Variants in WARS1 observed in about 807,000 individuals in gnomAD.
The protein encoded by WARS1 is tryptophanyl-tRNA synthetase 1.
In WARS1, 17 loss-of-function variants were observed where a neutral mutation model predicts 47.8. That is an observed-to-expected ratio of 0.36 (90% CI 0.24 to 0.53). The LOEUF (loss-of-function observed/expected upper bound fraction) is 0.53, where lower values mean the gene tolerates loss of function less well. Among genes scored for constraint, WARS1 ranks in the 20% least tolerant of loss-of-function variants. The pLI is 0.91. For missense variants in WARS1, 434 were observed against 608.0 expected (o/e 0.71, Z 3.01); for synonymous variants, 208 against 228.1 (o/e 0.91, Z 0.79).
chr14:100,373,283 G>T lies in WARS1; in HGVS notation c.-74+2000C>A, dbSNP rs1896451315. The stretch of plus-strand genomic sequence containing the variant: ...GATTCCCCCAGCTGGACTTTAGATG[G>T]CCTCTTGTTTAACGTCCTGGTACTG... On this transcript the variant is annotated intron_variant, in intron 1 of 10. Coordinates refer to ENST00000392882, the MANE Select transcript of WARS1 (RefSeq NM_004184.4). This position sits in a 1 kb window ranked among gnomAD's most constrained non-coding sequence, Gnocchi z 4.4. Among the ~76,000 whole-genome samples the T allele has an allele frequency of 6.6e-6, 1 of 152,108 alleles. No homozygotes were observed. Among genetic ancestry groups the T allele is most frequent in the South Asian group, 2.1e-4 (1 of 4,820 alleles).
intron 4 of WARS1, among the ~76,000 whole-genome samples, chr14:100,356,399 G>GTGT (rs961197719): frequency 8.6e-5 from 6 of 69,880 alleles, no homozygotes; most frequent in African/African-American, 3.5e-4. Context: ...GTGTGTGTGT[G>GTGT]GGGGGGGGTG....
At chr14:100,351,941 C>T (rs1210899191) in intron 6 of WARS1, among the ~76,000 whole-genome samples, 12 of 150,322 alleles carry the variant, frequency 8.0e-5, no homozygotes, top group African/African-American at 2.0e-4. Context: ...TGCAGTGAGC[C>T]GAGATTGTGC....
chr14:100,340,921 T>C (rs1394614987), intron 9 of WARS1, among the ~76,000 whole-genome samples: 1 of 150,130 alleles, frequency 6.7e-6, no homozygotes, highest in Non-Finnish European at 1.5e-5. Context: ...TCTTTTCTTT[T>C]TTTTTTTTTT....
At chr14:100,359,581 T>G (rs940545561) in intron 4 of WARS1, among the ~76,000 whole-genome samples, 2 of 152,204 alleles carry the variant, frequency 1.3e-5, no homozygotes, top group African/African-American at 4.8e-5. Flanking sequence ...TTGTGGGAGT[T>G]ATTGATATCT....
At position 100,360,579 on chromosome 14, in the gene WARS1, G is replaced by A. The variant is rs764391035; in HGVS notation, c.397C>T (p.Arg133Cys). The A allele has an allele frequency of 8.1e-6, 13 of 1,613,604 alleles. No homozygotes were observed. Among genetic ancestry groups the A allele is most frequent in the East Asian group, 2.2e-5 (1 of 44,874 alleles). The change falls in exon 4 of 11, where the codon CGC becomes TGC. Residue 133 changes from arginine to cysteine, a missense_variant. Coordinates refer to ENST00000392882, the MANE Select transcript of WARS1 (RefSeq NM_004184.4). The stretch of plus-strand genomic sequence containing the variant: ...CTGTGTGAGAAGAAGATGCCTCTGC[G>A]CAGGAAGTGGTGTGGTCTTTGGCCG... ...ATGQRPHHFL[R>C]RGIFFSHRDM...
intron 7 of WARS1, among the ~76,000 whole-genome samples, chr14:100,345,960 A>G (rs116819650): frequency 1.2e-3 from 180 of 152,324 alleles, no homozygotes; most frequent in African/African-American, 4.2e-3. Context: ...GGCTCCAAGC[A>G]GGGTGAACGC....
intron 4 of WARS1, among the ~76,000 whole-genome samples, chr14:100,360,028 G>A (rs889526662): frequency 6.6e-6 from 1 of 152,200 alleles, no homozygotes; most frequent in Non-Finnish European, 1.5e-5. Flanking sequence ...TAGGTTGGGA[G>A]AGGCAGAAAC....
intron 2 of WARS1, among the ~76,000 whole-genome samples, chr14:100,366,262 G>C (rs1895988280): frequency 6.6e-6 from 1 of 152,134 alleles, no homozygotes; most frequent in African/African-American, 2.4e-5. Flanking sequence ...CAGTGGACTG[G>C]GGGAGCTTTC....
chr14:100,364,817 T>C (rs997273936), intron 2 of WARS1, among the ~76,000 whole-genome samples: 6 of 152,244 alleles, frequency 3.9e-5, no homozygotes, highest in Admixed American at 2.6e-4. Context: ...CCCAAAATGA[T>C]GGGCTTACAT....
chr14:100,352,255 G>A (rs1895044067), intron 6 of WARS1, among the ~76,000 whole-genome samples: 1 of 151,208 alleles, frequency 6.6e-6, no homozygotes, highest in South Asian at 2.1e-4. Flanking sequence ...GCAACTACAG[G>A]AGCACGCCAC....
At chr14:100,349,078 G>C (rs1894810056) in intron 6 of WARS1, among the ~76,000 whole-genome samples, 1 of 152,166 alleles carries the variant, frequency 6.6e-6, no homozygotes, top group African/African-American at 2.4e-5. Flanking sequence ...ACATGTGGCT[G>C]AACCACCAGT....
intron 9 of WARS1, among the ~76,000 whole-genome samples, chr14:100,339,122 CAT>C (rs57485984): frequency 0.66 from 91,985 of 138,574 alleles, 29,925 homozygotes; most frequent in South Asian, 0.8. Flanking sequence ...CACACACACA[CAT>C]ACACACACAC....
intron 6 of WARS1, among the ~76,000 whole-genome samples, chr14:100,349,863 A>T (rs1894857717): frequency 1.3e-5 from 2 of 152,202 alleles, no homozygotes; most frequent in Non-Finnish European, 2.9e-5. Context: ...GCTCCTAAAC[A>T]CCAGGAAGGA....
chr14:100,340,725 G>A (rs975855747), intron 9 of WARS1, among the ~76,000 whole-genome samples: 3 of 151,948 alleles, frequency 2.0e-5, no homozygotes, highest in South Asian at 2.1e-4. Flanking sequence ...AGCTGAAGTC[G>A]GGCACGGGGA....
chr14:100,367,786 T>C (rs1033808336), intron 2 of WARS1, among the ~76,000 whole-genome samples: 1 of 152,038 alleles, frequency 6.6e-6, no homozygotes, highest in Non-Finnish European at 1.5e-5. Context: ...GCTTCAGCAT[T>C]TCCAGGGGAA....
At chr14:100,344,755 A>C (rs1566842292) in intron 7 of WARS1, among the ~76,000 whole-genome samples, 1 of 147,684 alleles carries the variant, frequency 6.8e-6, no homozygotes, top group Non-Finnish European at 1.5e-5. Flanking sequence ...GGATGTGAGG[A>C]GCGCCTCTAC....
intron 10 of WARS1, 23 bp from the exon 11 acceptor site, chr14:100,335,059 G>T: frequency 6.2e-7 from 1 of 1,608,934 alleles, no homozygotes; most frequent in Non-Finnish European, 8.5e-7. Flanking sequence ...AGACAGCCAC[G>T]TGAGAGATGG....
intron 1 of WARS1, among the ~76,000 whole-genome samples, chr14:100,371,720 G>C (rs908528459): frequency 6.6e-6 from 1 of 152,138 alleles, no homozygotes; most frequent in African/African-American, 2.4e-5. Flanking sequence ...GGGCAACAGA[G>C]AGAGACTCTG....
At position 100,342,459 on chromosome 14, in the gene WARS1, C is replaced by T. The variant is rs1482630444; in HGVS notation, c.1052G>A (p.Ser351Asn). ...PALQGAQTKM[S>N]ASDPNSSIFL... is the part of the protein sequence containing the mutation. ...GATGGAGGAGTTGGGGTCGCTGGCA[C>T]TCATTTTGGTCTGGGCGCCCTGCAG... Residue 351 changes from serine (S) to asparagine (N), a missense_variant, in exon 9 of 11, where the codon AGT becomes AAT. By Grantham distance (46) the Ser-to-Asn change is conservative. Around this residue, in one of 2 missense-constraint regions of WARS1, gnomAD observed 347 missense variants for 523.8 expected, o/e 0.66. Transcript: ENST00000392882. 5 of 1,613,990 alleles carry T rather than the reference C, an allele frequency of 3.1e-6. No individual in the cohort carries two copies. Among genetic ancestry groups the T allele is most frequent in the Non-Finnish European group, 4.2e-6 (5 of 1,180,018 alleles).
Sources: gnomAD v4.1 joint callset for allele counts (sites outside exome capture counted in the v4.1 genomes callset) on GRCh38, gnomAD v4.1.1 for gene constraint, gnomAD v4.1.1 regional missense constraint, Gnocchi (gnomAD v3.1) non-coding constraint, MANE v1.5 for transcripts, NCBI Gene and HGNC (gene_info 2026-07-23, HGNC 2026-07-21) for gene names.